LCOR: variants seen among roughly 807,000 people sequenced by gnomAD.
LCOR encodes ligand dependent nuclear receptor corepressor.
Under a neutral mutation model 64.4 loss-of-function variants are expected in LCOR, and 14 were observed. That is an observed-to-expected ratio of 0.22 (90% CI 0.14 to 0.34). The LOEUF (loss-of-function observed/expected upper bound fraction) is 0.34. Among genes scored for constraint, LCOR ranks in the 10% least tolerant of loss-of-function variants. The probability of loss-of-function intolerance (pLI) is 1.00; values close to 1 mark genes in which losing one functional copy is unlikely to be tolerated. For synonymous variants in LCOR, 643 were observed against 642.5 expected (o/e 1.00, Z -0.01); for missense variants, 1,686 against 1,765.3 (o/e 0.96, Z 0.80).
At position 96,990,975 on chromosome 10, in the gene LCOR, C is replaced by A. The variant is rs1289230243; in HGVS notation, c.*5841C>A. The A allele has an allele frequency of 6.8e-6, 1 of 147,638 alleles. No homozygotes were observed. 9.1% of individuals were successfully genotyped at this position (147,638 alleles called of 1,614,324 possible). On this transcript the variant is annotated 3_prime_UTR_variant, in exon 8 of 8. Coordinates refer to ENST00000421806, the MANE Select transcript of LCOR (RefSeq NM_001346516.2). ...CAGGTACTCATGGTATTACAATATG[C>A]CAGGGGTTGGACAAATGGATTTTTT...
In LCOR at chr10:96,982,926, G is replaced by A. The variant is rs201741736; in HGVS notation, c.2466G>A (p.Ser822=). Residue 822 remains serine, a synonymous_variant, in exon 8 of 8, where the codon TCG becomes TCA. Coordinates refer to ENST00000421806, the MANE Select transcript of LCOR (RefSeq NM_001346516.2). ...ASDRCLRSQL[S]DSSSADRCLR... The stretch of plus-strand genomic sequence containing the variant: ...ATAGGTGCCTAAGAAGTCAACTTTC[G>A]GATTCTTCCTCTGCTGACAGATGCC... The A allele has an allele frequency of 3.3e-5, 53 of 1,613,514 alleles. No homozygotes were observed. Among genetic ancestry groups the A allele is most frequent in the African/African-American group, 1.2e-4 (9 of 74,920 alleles).
At chr10:96,979,816 A>G (rs1167759841) in intron 7 of LCOR, among the ~76,000 whole-genome samples, 1 of 152,140 alleles carries the variant, frequency 6.6e-6, no homozygotes, top group Non-Finnish European at 1.5e-5. Context: ...CATTAGCATG[A>G]CCAATTGGTC....
At chr10:96,970,235 T>C (rs1236015785) in intron 7 of LCOR, among the ~76,000 whole-genome samples, 1 of 151,828 alleles carries the variant, frequency 6.6e-6, no homozygotes, top group Non-Finnish European at 1.5e-5. Context: ...CTGTCTCTAC[T>C]AAAATACAAA....
intron 7 of LCOR, among the ~76,000 whole-genome samples, chr10:96,979,730 A>G (rs555070145): frequency 7.2e-5 from 11 of 152,340 alleles, no homozygotes; most frequent in Admixed American, 4.6e-4. Context: ...CTTGCTTGTC[A>G]TCTCACCATT....
At chr10:96,834,215 C>T (rs1845400828) in intron 2 of LCOR, among the ~76,000 whole-genome samples, 1 of 152,168 alleles carries the variant, frequency 6.6e-6, no homozygotes, top group African/African-American at 2.4e-5. Context: ...GGCAACAATG[C>T]TTTAAGGTAT....
At chr10:96,926,796 T>A (rs1383536461) in intron 4 of LCOR, among the ~76,000 whole-genome samples, 1 of 152,200 alleles carries the variant, frequency 6.6e-6, no homozygotes, top group Non-Finnish European at 1.5e-5. Context: ...AATACATAGT[T>A]TTTTTATGTT....
chr10:96,932,441 T>C (rs996459161), intron 4 of LCOR, among the ~76,000 whole-genome samples: 1 of 151,672 alleles, frequency 6.6e-6, no homozygotes, highest in African/African-American at 2.4e-5. Context: ...CAAGGAACCT[T>C]TTTTATTTTA....
In LCOR at chr10:96,916,618, A is replaced by ATATATATATATAT. The variant is rs1846954500; in HGVS notation, c.-184+8872_-184+8873insATATATATATATT. 3.8e-5 allele frequency among the ~76,000 whole-genome samples: 5 copies of ATATATATATATAT among 130,182 alleles called. 1 individual carries two copies. The highest frequency in any genetic ancestry group is 1.7e-4 in the African/African-American group (5 of 29,530). The allele number at this position is 130,182 out of a possible 152,430, so 85.4% of individuals were successfully genotyped here. A position where few individuals can be genotyped will look rare whatever the true frequency, so the allele number is the denominator to read the frequency against. ...ATATATATATATATCTATATATATGATTATTTATTTTTTTGAGACGGAGTC... is the reference window on the plus strand; with the variant it reads ...ATATATATATATATCTATATATATGATATATATATATATTTATTTATTTTTTTGAGACGGAGTC... On this transcript the variant is annotated intron_variant, in intron 4 of 7. Transcript: ENST00000421806.
intron 2 of LCOR, among the ~76,000 whole-genome samples, chr10:96,900,650 G>GT (rs1348395793): frequency 6.6e-6 from 1 of 152,024 alleles, no homozygotes; most frequent in Non-Finnish European, 1.5e-5. Context: ...CCTGCCATTA[G>GT]TTTTTATATA....
At position 96,982,759 on chromosome 10, in the gene LCOR, G is replaced by C; in HGVS notation, c.2299G>C (p.Ala767Pro). The change falls in exon 8 of 8, where the codon GCA (alanine) becomes CCA (proline). Residue 767 changes from alanine (A) to proline (P), a missense_variant. Physicochemically the swap from Ala to Pro is conservative, Grantham distance 27. Coordinates refer to ENST00000421806, the MANE Select transcript of LCOR (RefSeq NM_001346516.2). ...CAGTGAAACTGAGGAAAGTGAGGCAGCAGGTGGTATAGGAAAATTAGAGGG... is the reference window on the plus strand; with the variant it reads ...CAGTGAAACTGAGGAAAGTGAGGCACCAGGTGGTATAGGAAAATTAGAGGG... ...NPSETEESEAAGGIGKLEGED... is the reference protein window; with the variant it reads ...NPSETEESEAPGGIGKLEGED... 1 of 1,614,204 alleles carries C rather than the reference G, an allele frequency of 6.2e-7. No homozygotes were observed.
intron 2 of LCOR, among the ~76,000 whole-genome samples, chr10:96,894,817 C>T (rs1846509503): frequency 1.3e-5 from 2 of 151,980 alleles, no homozygotes; most frequent in South Asian, 4.2e-4. Flanking sequence ...TTTCAGAATC[C>T]TCGGATGACA....
At chr10:96,896,321 CTGCT>C (rs1846535941) in intron 2 of LCOR, among the ~76,000 whole-genome samples, 1 of 152,040 alleles carries the variant, frequency 6.6e-6, no homozygotes, top group Non-Finnish European at 1.5e-5. Flanking sequence ...ATAGAGTTGA[CTGCT>C]TGTGAGGAAT....
rs1304914442 is a variant in LCOR, at chr10:96,949,159, G to A, written c.102G>A (p.Pro34=). The A allele has an allele frequency of 1.2e-6, 2 of 1,613,896 alleles. No homozygotes were observed. Among genetic ancestry groups the A allele is most frequent in the Non-Finnish European group, 1.7e-6 (2 of 1,179,988 alleles). The part of the protein sequence containing the change: ...QPNSTKNQSL[P]KASPVTTSPT... ...ATAGCACAAAGAACCAAAGCCTGCC[G>A]AAAGCATCTCCAGTCACCACCTCTC... The change falls in exon 6 of 8, where the codon CCG becomes CCA. Residue 34 remains proline, a synonymous_variant. Transcript: ENST00000421806.
chr10:96,849,302 T>G (rs12266068), intron 2 of LCOR, among the ~76,000 whole-genome samples: 21,387 of 151,952 alleles, frequency 0.14, 2,068 homozygotes, highest in African/African-American at 0.27. Context: ...CTCGATCTCC[T>G]GATCTCGTGA....
intron 2 of LCOR, among the ~76,000 whole-genome samples, chr10:96,852,416 ATC>A (rs375557748): frequency 2.1e-4 from 32 of 152,304 alleles, no homozygotes; most frequent in African/African-American, 6.7e-4. Flanking sequence ...GTGAGACCCT[ATC>A]TCAAAAAACA....
intron 7 of LCOR, chr10:96,955,933 G>A: frequency 6.2e-7 from 1 of 1,607,192 alleles, no homozygotes; most frequent in South Asian, 1.1e-5. Context: ...GAATACTGTA[G>A]AGTGCCAATT....
intron 4 of LCOR, among the ~76,000 whole-genome samples, chr10:96,929,457 C>T (rs896319583): frequency 6.6e-5 from 10 of 152,218 alleles, no homozygotes; most frequent in African/African-American, 2.4e-4. Context: ...CTGCAGCTTC[C>T]TCACCTCTCA....
intron 7 of LCOR, chr10:96,963,358 T>A (rs1364538013): frequency 6.6e-6 from 1 of 152,240 alleles, no homozygotes; most frequent in East Asian, 1.9e-4. Context: ...TGTAAGCTGT[T>A]AACAGATGCA....
chr10:96,846,040 C>A (rs1485378785), intron 2 of LCOR, among the ~76,000 whole-genome samples: 1 of 151,982 alleles, frequency 6.6e-6, no homozygotes, highest in Non-Finnish European at 1.5e-5. Flanking sequence ...AACCCCATCT[C>A]TACTGAAAAT....
Sources: gnomAD v4.1 joint callset for allele counts (sites outside exome capture counted in the v4.1 genomes callset) on GRCh38, gnomAD v4.1.1 for gene constraint, MANE v1.5 for transcripts, NCBI Gene and HGNC (gene_info 2026-07-23, HGNC 2026-07-21) for gene names.